ANO5: variants seen among roughly 807,000 people sequenced by gnomAD.
ANO5 encodes anoctamin 5.
In ANO5, 109 loss-of-function variants were observed where a neutral mutation model predicts 121.0. That is an observed-to-expected ratio of 0.90 (90% confidence interval 0.77 to 1.06). The LOEUF (loss-of-function observed/expected upper bound fraction) is 1.06. Ranked by LOEUF, ANO5 falls within the 50% of genes least tolerant of loss-of-function variation. The pLI, the probability that ANO5 is intolerant of heterozygous loss-of-function variation, is 0.00. For missense variants in ANO5, 1,064 were observed against 1,078.5 expected (o/e 0.99, Z 0.19); for synonymous variants, 406 against 359.9 (o/e 1.13, Z -1.45).
intron 15 of ANO5, among the ~76,000 whole-genome samples, chr11:22,260,673 A>G (rs1854161001): frequency 6.6e-6 from 1 of 152,210 alleles, no homozygotes; most frequent in Non-Finnish European, 1.5e-5. Flanking sequence ...TTTTGTAGGA[A>G]TACAGCTACA....
chr11:22,249,230 A>G (rs751800070), intron 9 of ANO5, among the ~76,000 whole-genome samples: 7 of 152,128 alleles, frequency 4.6e-5, no homozygotes, highest in Admixed American at 1.3e-4. Context: ...GATGTTCAAT[A>G]AAGTTAATAT....
chr11:22,236,337 G>A (rs1853219972), intron 8 of ANO5, 61 bp downstream of exon 8: 1 of 1,329,594 alleles, frequency 7.5e-7, no homozygotes, highest in African/African-American at 1.4e-5. Context: ...GTTCATTACT[G>A]GGAGAGAGAA....
At chr11:22,213,964 A>T (rs1249299470) in intron 3 of ANO5, among the ~76,000 whole-genome samples, 2 of 151,758 alleles carry the variant, frequency 1.3e-5, no homozygotes, top group African/African-American at 4.8e-5. Flanking sequence ...GTCCAGTGGC[A>T]TGATCATAGT....
intron 3 of ANO5, among the ~76,000 whole-genome samples, chr11:22,217,102 C>G (rs12574972): frequency 6.6e-6 from 1 of 151,822 alleles, no homozygotes; most frequent in Non-Finnish European, 1.5e-5. Context: ...ACTCCTCTGT[C>G]TATATATAGA....
intron 1 of ANO5, among the ~76,000 whole-genome samples, chr11:22,200,800 G>A (rs1851943172): frequency 6.6e-6 from 1 of 152,090 alleles, no homozygotes; most frequent in Admixed American, 6.6e-5. Context: ...AAAATAAATT[G>A]TATCTTGATG....
intron 5 of ANO5, among the ~76,000 whole-genome samples, chr11:22,225,086 T>C (rs1852779349): frequency 6.6e-6 from 1 of 152,030 alleles, no homozygotes; most frequent in African/African-American, 2.4e-5. Flanking sequence ...ATGGTAAAGA[T>C]GGTAAGTTAT....
At position 22,255,502 on chromosome 11, in the gene ANO5, A is replaced by C. The variant is rs761417429; in HGVS notation, c.1312A>C (p.Lys438Gln). 6.2e-7 allele frequency: 1 copy of C among 1,613,426 alleles called. No individual in the cohort carries two copies. The highest frequency in any genetic ancestry group is 1.3e-5 in the African/African-American group (1 of 75,012). Residue 438 changes from lysine to glutamine, a missense_variant, in exon 13 of 22, where the codon AAA becomes CAA. By Grantham distance (53) the Lys-to-Gln change is moderately conservative. Transcript: ENST00000324559. The part of the protein sequence containing the change: ...PEFEAMCKHR[K>Q]LNAVTKEMEP... ...ATTTGAAGCTATGTGTAAACACAGG[A>C]AATTGAATGCAGTGACTAAGGTAGA...
At chr11:22,254,611 C>T (rs1483830292) in intron 12 of ANO5, among the ~76,000 whole-genome samples, 2 of 150,794 alleles carry the variant, frequency 1.3e-5, no homozygotes, top group Non-Finnish European at 1.5e-5. Flanking sequence ...AAGCTTGACA[C>T]GAAAAAGTAT....
intron 7 of ANO5, among the ~76,000 whole-genome samples, chr11:22,228,819 A>G (rs1852935575): frequency 6.6e-6 from 1 of 151,820 alleles, no homozygotes. Flanking sequence ...TTTTATGGCT[A>G]TATCTAGCCA....
intron 2 of ANO5, among the ~76,000 whole-genome samples, chr11:22,204,570 A>G (rs770355885): frequency 4.6e-5 from 7 of 152,126 alleles, no homozygotes; most frequent in Admixed American, 6.6e-5. Flanking sequence ...ACGTCCTTCT[A>G]GAATAGGTTG....
intron 15 of ANO5, among the ~76,000 whole-genome samples, chr11:22,259,947 T>TG (rs1027797229): frequency 1.2e-4 from 8 of 69,358 alleles, no homozygotes; most frequent in East Asian, 2.4e-4. Context: ...GCAAAATAAC[T>TG]GAAAAAAAAA....
chr11:22,251,781 C>A lies in ANO5; in HGVS notation c.1180+770C>A, dbSNP rs189248874. Among the ~76,000 whole-genome samples, 1,045 of 151,582 alleles carry A rather than the reference C, an allele frequency of 6.9e-3. 10 individuals carry two copies. Among genetic ancestry groups the A allele is most frequent in the African/African-American group, 0.024 (986 of 41,204 alleles). On this transcript the variant is annotated intron_variant, in intron 12 of 21. Transcript: ENST00000324559. ...GTGGCTCATGCCTGTAATCCTAGCA[C>A]TTTGGGAGGCTGAGGTGGGCAGATC...
chr11:22,197,566 T>C (rs1409070640), intron 1 of ANO5, among the ~76,000 whole-genome samples: 2 of 152,186 alleles, frequency 1.3e-5, no homozygotes, highest in Non-Finnish European at 2.9e-5. Flanking sequence ...AAGCATTGTG[T>C]CCAACTAAGC....
chr11:22,221,273 A>C, intron 5 of ANO5, 63 bp downstream of exon 5: 1 of 1,324,928 alleles, frequency 7.5e-7, no homozygotes, highest in Non-Finnish European at 1.1e-6. Flanking sequence ...TTTCACATGG[A>C]TATCTGGATT....
Position 22,250,223 on chromosome 11 carries a change from ACT to A in ANO5, c.879-11_879-10del, listed in dbSNP as rs760315841. On this transcript the variant is annotated splice_polypyrimidine_tract_variant and intron_variant, in intron 9 of 21. Coordinates refer to ENST00000324559, the MANE Select transcript of ANO5 (RefSeq NM_213599.3). ...TCTTCCATATTCTGATTCTGTTTTTACTCTTTTTCACAGGAATTATTATGGAG... is the reference window on the plus strand; with the variant it reads ...TCTTCCATATTCTGATTCTGTTTTTACTTTTTCACAGGAATTATTATGGAG... The A allele has an allele frequency of 7.0e-6, 11 of 1,561,040 alleles. No individual in the cohort carries two copies. The East Asian group carries it at 1.6e-4, about 22-fold the overall frequency.
chr11:22,216,650 C>G (rs923888163), intron 3 of ANO5, among the ~76,000 whole-genome samples: 3 of 151,790 alleles, frequency 2.0e-5, no homozygotes, highest in African/African-American at 7.2e-5. Context: ...CTTGCCTTTT[C>G]GTTTACATAG....
At chr11:22,253,024 C>G (rs904487409) in intron 12 of ANO5, among the ~76,000 whole-genome samples, 1 of 152,064 alleles carries the variant, frequency 6.6e-6, no homozygotes, top group Non-Finnish European at 1.5e-5. Context: ...GCTTTCATCT[C>G]CATAGTTCCA....
At position 22,211,850 on chromosome 11, in the gene ANO5, T is replaced by G. The variant is rs572226982; in HGVS notation, c.138+536T>G. ...TTTTGGGAAGATGGGGAAATAGAGTTATATTCCTATACTGATAATTTTAGC... is the reference window on the plus strand; with the variant it reads ...TTTTGGGAAGATGGGGAAATAGAGTGATATTCCTATACTGATAATTTTAGC... On this transcript the variant is annotated intron_variant, in intron 3 of 21. Transcript: ENST00000324559. Among the ~76,000 whole-genome samples, 76 of 152,114 alleles carry G rather than the reference T, an allele frequency of 5.0e-4. 1 individual carries two copies. The South Asian group carries it at 6.0e-3, about 12-fold the overall frequency.
At chr11:22,242,447 G>T (rs745655433) in intron 9 of ANO5, among the ~76,000 whole-genome samples, 27 of 152,104 alleles carry the variant, frequency 1.8e-4, no homozygotes, top group Non-Finnish European at 2.5e-4. Flanking sequence ...TTGGTAGTGT[G>T]ATAGGAATAA....
Sources: allele counts gnomAD v4.1 joint callset (sites outside exome capture counted in the v4.1 genomes callset), GRCh38; gene constraint gnomAD v4.1.1; transcripts MANE v1.5; gene names NCBI Gene and HGNC (gene_info 2026-07-23, HGNC 2026-07-21).